The following HSD17B3 variants were observed in gnomAD, a reference collection of about 807,000 sequenced individuals.
HSD17B3 encodes hydroxysteroid 17-beta dehydrogenase 3.
HSD17B3 carries 29 observed loss-of-function variants against 41.1 expected under a neutral mutation model. The ratio of observed to expected loss-of-function variants is 0.71; its 90% confidence interval spans 0.53 to 0.96. The LOEUF (loss-of-function observed/expected upper bound fraction) is 0.96, where lower values mean the gene tolerates loss of function less well. Ranked by LOEUF, HSD17B3 falls within the 40% of genes least tolerant of loss-of-function variation. HSD17B3 has a pLI of 0.00. For missense variants in HSD17B3, 323 were observed against 374.6 expected (o/e 0.86, Z 1.14); for synonymous variants, 126 against 145.6 (o/e 0.87, Z 0.97).
chr9:96,278,970 G>C (rs993817299), intron 2 of HSD17B3, among the ~76,000 whole-genome samples: 1 of 152,170 alleles, frequency 6.6e-6, no homozygotes, highest in Non-Finnish European at 1.5e-5. Flanking sequence ...CTTGCATGAG[G>C]GCTCATCCCC....
chr9:96,295,319 GGTTT>G (rs1330898512), intron 2 of HSD17B3, among the ~76,000 whole-genome samples: 1 of 148,706 alleles, frequency 6.7e-6, no homozygotes, highest in Non-Finnish European at 1.5e-5. Context: ...GGAGTTTTTT[GGTTT>G]GTTTTTGTTT....
intron 2 of HSD17B3, among the ~76,000 whole-genome samples, chr9:96,264,263 C>T (rs1479176511): frequency 6.6e-6 from 1 of 151,234 alleles, no homozygotes; most frequent in South Asian, 2.1e-4. Flanking sequence ...TCTAAAAATA[C>T]CTACAAACAA....
rs532902066 is a variant in HSD17B3 at position 96,298,476 on chromosome 9, G to A, written c.155-14C>T. 5.0e-6 allele frequency: 8 copies of A among 1,608,238 alleles called. No homozygotes were observed. The Admixed American group carries it at 6.7e-5, about 13-fold the overall frequency. The stretch of plus-strand genomic sequence containing the variant: ...CTCCAGTGATCACTGTGAAAAGCAA[G>A]AATGCTTTTAAAAGACAGAATTCAT... On this transcript the variant is annotated splice_polypyrimidine_tract_variant and intron_variant, in intron 1 of 10. Transcript: ENST00000375263.
At position 96,301,917 on chromosome 9, in the gene HSD17B3, C is replaced by G. The variant is rs891473535; in HGVS notation, c.154+34G>C. ...TAATAGTAACAAGCAGGAACAACAG[C>G]AGCAAAAAAACATGAGATGGAACAC... is the stretch of plus-strand genomic sequence containing the variant. On this transcript the variant is annotated intron_variant, in intron 1 of 10. Coordinates refer to ENST00000375263, the MANE Select transcript of HSD17B3 (RefSeq NM_000197.2). 3 of 1,588,272 alleles carry G rather than the reference C, an allele frequency of 1.9e-6. No individual in the cohort carries two copies. The African/African-American group carries it at 4.0e-5, about 21-fold the overall frequency.
chr9:96,295,448 C>A (rs1827323745), intron 2 of HSD17B3, among the ~76,000 whole-genome samples: 1 of 152,052 alleles, frequency 6.6e-6, no homozygotes. Context: ...AATTCTCCTG[C>A]CTCAGCCTCC....
chr9:96,286,008 AG>A (rs1826904376), intron 2 of HSD17B3, among the ~76,000 whole-genome samples: 1 of 152,218 alleles, frequency 6.6e-6, no homozygotes, highest in Non-Finnish European at 1.5e-5. Context: ...AAGGTGAGAT[AG>A]GAGGTCAACC....
At chr9:96,282,123 A>T (rs568020296) in intron 2 of HSD17B3, among the ~76,000 whole-genome samples, 4 of 152,318 alleles carry the variant, frequency 2.6e-5, no homozygotes, top group African/African-American at 9.6e-5. Context: ...CTGGTCAGTT[A>T]TGTCCTTGGG....
At chr9:96,287,243 G>A (rs549434822) in intron 2 of HSD17B3, among the ~76,000 whole-genome samples, 16 of 152,302 alleles carry the variant, frequency 1.1e-4, no homozygotes, top group African/African-American at 3.4e-4. Context: ...TGAAACCAGA[G>A]GCCAAGGGAG....
chr9:96,251,787 C>G (rs570137333), intron 4 of HSD17B3, among the ~76,000 whole-genome samples: 1 of 152,050 alleles, frequency 6.6e-6, no homozygotes, highest in Non-Finnish European at 1.5e-5. Flanking sequence ...CGTATAATTC[C>G]AGTTTTGAAA....
chr9:96,282,393 T>C (rs779213125), intron 2 of HSD17B3, among the ~76,000 whole-genome samples: 1 of 152,252 alleles, frequency 6.6e-6, no homozygotes, highest in African/African-American at 2.4e-5. Context: ...ATAAAGATAG[T>C]TTTAAAAATA....
intron 5 of HSD17B3, 188 bp downstream of exon 5, chr9:96,251,230 G>A (rs1836889772): frequency 1.6e-6 from 1 of 608,696 alleles, no homozygotes; most frequent in South Asian, 2.0e-5. Context: ...GAGATATCGT[G>A]AAAAGTGGTA....
At chr9:96,293,338 A>G (rs982897877) in intron 2 of HSD17B3, among the ~76,000 whole-genome samples, 3 of 152,120 alleles carry the variant, frequency 2.0e-5, no homozygotes, top group Non-Finnish European at 2.9e-5. Context: ...GGGCCTTAAG[A>G]AAACAAGATT....
At chr9:96,253,072 T>A (rs984312244) in intron 3 of HSD17B3, among the ~76,000 whole-genome samples, 162 bp from the exon 4 acceptor site, 8 of 151,808 alleles carry the variant, frequency 5.3e-5, no homozygotes, top group African/African-American at 1.9e-4. Context: ...TGTTGGGAGG[T>A]GCTAAGATTG....
At chr9:96,258,278 T>C (rs1825741392) in intron 2 of HSD17B3, among the ~76,000 whole-genome samples, 1 of 152,254 alleles carries the variant, frequency 6.6e-6, no homozygotes, top group South Asian at 2.1e-4. Context: ...TAATTGTTTA[T>C]TTCTGAGAAT....
At chr9:96,301,125 C>T (rs1042311146) in intron 1 of HSD17B3, among the ~76,000 whole-genome samples, 1 of 152,162 alleles carries the variant, frequency 6.6e-6, no homozygotes, top group East Asian at 1.9e-4. Flanking sequence ...GGCTGGGTAG[C>T]CTTCTGCCCT....
intron 6 of HSD17B3, among the ~76,000 whole-genome samples, chr9:96,248,439 C>T (rs929820833): frequency 2.0e-5 from 3 of 152,252 alleles, no homozygotes; most frequent in African/African-American, 7.2e-5. Context: ...TCCTCCCCTA[C>T]TTCCAGTCCA....
At chr9:96,293,243 A>G (rs1052431432) in intron 2 of HSD17B3, among the ~76,000 whole-genome samples, 6 of 152,232 alleles carry the variant, frequency 3.9e-5, no homozygotes, top group Admixed American at 1.3e-4. Flanking sequence ...AGCTATCTTT[A>G]TATGAGATTA....
Position 96,237,807 on chromosome 9 carries a change from G to C in HSD17B3, c.823-2237C>G, listed in dbSNP as rs530911755. Among the ~76,000 whole-genome samples, 6 of 152,270 alleles carry C rather than the reference G, an allele frequency of 3.9e-5. No homozygotes were observed. In the South Asian group the frequency reaches 1.0e-3, roughly 26 times the overall value. On this transcript the variant is annotated intron_variant, in intron 10 of 10. Coordinates refer to ENST00000375263, the MANE Select transcript of HSD17B3 (RefSeq NM_000197.2). ...TGTTTGCCTGAAGAAATTAGAATCT[G>C]TTATCTAAGAAATTAAAAGGAAAGG... is the stretch of plus-strand genomic sequence containing the variant.
rs546560685 is a variant in HSD17B3, at chr9:96,298,286, T to C, written c.201+130A>G. 184 of 792,394 alleles carry C rather than the reference T, an allele frequency of 2.3e-4. 2 individuals are homozygous for C. The highest frequency in any genetic ancestry group is 1.8e-3 in the South Asian group (133 of 73,906). 49.1% of individuals were successfully genotyped at this position (792,394 alleles called of 1,614,324 possible). Reference sequence around the variant, plus strand: ...ATTATTATTTTTGTTTGCTTTTCCATAGAGTATATTTTCTCCTTTAAATGA... The same window carrying C: ...ATTATTATTTTTGTTTGCTTTTCCACAGAGTATATTTTCTCCTTTAAATGA... On this transcript the variant is annotated intron_variant, in intron 2 of 10. Transcript: ENST00000375263.
Sources: gnomAD v4.1 joint callset for allele counts (sites outside exome capture counted in the v4.1 genomes callset) on GRCh38, gnomAD v4.1.1 for gene constraint, MANE v1.5 for transcripts, NCBI Gene and HGNC (gene_info 2026-07-23, HGNC 2026-07-21) for gene names.